Variants in USP37 observed in about 807,000 individuals in gnomAD.
USP37 encodes the protein ubiquitin carboxyl-terminal hydrolase 37.
USP37 carries 27 observed loss-of-function variants against 124.0 expected under a neutral mutation model. The observed-to-expected ratio is 0.22, with a 90% CI of 0.16 to 0.30. USP37 has a LOEUF of 0.30. Among genes scored for constraint, USP37 ranks in the 10% least tolerant of loss-of-function variants. The pLI is 1.00. For synonymous variants in USP37, 365 were observed against 388.0 expected, an observed-to-expected ratio of 0.94 and a Z score of 0.70; for missense variants, 889 against 1,140.4, an observed-to-expected ratio of 0.78 and a Z score of 3.17.
rs1285414095 is a variant in USP37 at position 218,546,238 on chromosome 2, C to T, written c.663G>A (p.Lys221=). The change falls in exon 8 of 26, where the codon AAG becomes AAA. Residue 221 remains lysine, a synonymous_variant. Transcript: ENST00000258399. ...TGSELNEDYP[K]ENDSSSNNKA... is the part of the protein sequence containing the mutation. ...TAACTTACGATGATGAATCATTTTC[C>T]TTAGGGTAATCTTCATTCAATTCTG... 6.2e-7 allele frequency: 1 copy of T among 1,612,856 alleles called. No individual in the cohort carries two copies. The highest frequency in any genetic ancestry group is 1.1e-5 in the South Asian group (1 of 91,020).
intron 11 of USP37, 50 bp downstream of exon 11, chr2:218,509,929 C>G (rs780388024): frequency 1.4e-6 from 2 of 1,472,706 alleles, no homozygotes; most frequent in African/African-American, 1.4e-5. Flanking sequence ...AAGCACACTT[C>G]TATTGAATCA....
chr2:218,457,179 G>T lies in USP37; in HGVS notation c.2644-18C>A. On this transcript the variant is annotated intron_variant, in intron 23 of 25. Transcript: ENST00000258399. ...TTTCCTGTCTGGAAAACAGAAGTGG[G>T]TATAACTTTTAAGTCTTCATTTGAA... 1 of 1,610,274 alleles carries T rather than the reference G, an allele frequency of 6.2e-7. No individual in the cohort carries two copies. Among genetic ancestry groups the T allele is most frequent in the Non-Finnish European group, 8.5e-7 (1 of 1,178,172 alleles).
chr2:218,558,983 G>C (rs976529274), intron 3 of USP37, among the ~76,000 whole-genome samples: 1 of 145,158 alleles, frequency 6.9e-6, no homozygotes, highest in Non-Finnish European at 1.5e-5. Flanking sequence ...TAATGGGTCT[G>C]GATTTCCAAA....
chr2:218,556,500 TCTG>T (rs1692981343), intron 4 of USP37, among the ~76,000 whole-genome samples: 1 of 138,016 alleles, frequency 7.2e-6, no homozygotes, highest in African/African-American at 2.9e-5. Context: ...TCTGGGTTTT[TCTG>T]TTTTTTTTTT....
intron 8 of USP37, among the ~76,000 whole-genome samples, chr2:218,545,315 A>G (rs961178375): frequency 2.0e-5 from 3 of 152,210 alleles, no homozygotes; most frequent in Admixed American, 6.5e-5. Context: ...CTAAGGAAAC[A>G]GCATGCCCTC....
At chr2:218,567,724 C>T (rs1251117248) in intron 1 of USP37, among the ~76,000 whole-genome samples, 1 of 152,136 alleles carries the variant, frequency 6.6e-6, no homozygotes. Flanking sequence ...CCTGATCTGG[C>T]GGCTAGAAAT....
intron 8 of USP37, among the ~76,000 whole-genome samples, chr2:218,536,452 T>C (rs1034261257): frequency 2.6e-5 from 4 of 152,206 alleles, no homozygotes; most frequent in African/African-American, 9.6e-5. Context: ...CTAGAGATAC[T>C]TTGCCTGTAA....
chr2:218,540,751 A>C (rs954899716), intron 8 of USP37, among the ~76,000 whole-genome samples: 1 of 152,218 alleles, frequency 6.6e-6, no homozygotes, highest in African/African-American at 2.4e-5. Flanking sequence ...ATCATGCATA[A>C]GGGGGGACTA....
intron 10 of USP37, among the ~76,000 whole-genome samples, chr2:218,522,105 A>T (rs1345922745): frequency 1.4e-5 from 2 of 145,340 alleles, no homozygotes; most frequent in East Asian, 4.1e-4. Flanking sequence ...CAAACTCCTG[A>T]GCTCAAGCCA....
chr2:218,550,113 A>G (rs1178205762), intron 5 of USP37, among the ~76,000 whole-genome samples: 1 of 152,166 alleles, frequency 6.6e-6, no homozygotes, highest in East Asian at 1.9e-4. Flanking sequence ...TAGAATCTGA[A>G]GCAAAAAATT....
intron 11 of USP37, among the ~76,000 whole-genome samples, chr2:218,498,702 C>T (rs1047711965): frequency 1.3e-5 from 2 of 151,978 alleles, no homozygotes; most frequent in Non-Finnish European, 2.9e-5. Flanking sequence ...ACTCCAGCCT[C>T]AGCAACAGAG....
rs1275610305 is a variant in USP37 at position 218,546,976 on chromosome 2, G to A, written c.545C>T (p.Thr182Met). The A allele has an allele frequency of 5.6e-6, 9 of 1,613,168 alleles. No individual in the cohort carries two copies. Among genetic ancestry groups the A allele is most frequent in the South Asian group, 1.1e-5 (1 of 90,812 alleles). ...KTVAGSGIAR[T>M]IPSLTSTSTP... is the part of the protein sequence containing the mutation. Reference sequence around the variant, plus strand: ...TGAAGTAGATGTCAAAGAAGGAATCGTCCGAGCTATTCCACTTCCTGCTAC... The same window carrying A: ...TGAAGTAGATGTCAAAGAAGGAATCATCCGAGCTATTCCACTTCCTGCTAC... Residue 182 changes from threonine to methionine, a missense_variant, in exon 7 of 26, where the codon ACG becomes ATG. Thr to Met is a moderately conservative substitution (Grantham distance 81). Coordinates refer to ENST00000258399, the MANE Select transcript of USP37 (RefSeq NM_020935.3).
chr2:218,527,034 C>T (rs1691017423), intron 10 of USP37, among the ~76,000 whole-genome samples: 1 of 152,058 alleles, frequency 6.6e-6, no homozygotes, highest in African/African-American at 2.4e-5. Context: ...GTGATCCACC[C>T]GCCTCGGCCT....
At chr2:218,563,766 C>A (rs1399308395) in intron 1 of USP37, among the ~76,000 whole-genome samples, 1 of 152,072 alleles carries the variant, frequency 6.6e-6, no homozygotes, top group African/African-American at 2.4e-5. Flanking sequence ...TTAAGAAGCT[C>A]CTAGAGGCCA....
intron 10 of USP37, among the ~76,000 whole-genome samples, chr2:218,517,960 C>A (rs1340864788): frequency 1.3e-5 from 2 of 151,970 alleles, no homozygotes; most frequent in Non-Finnish European, 2.9e-5. Flanking sequence ...CTATTCCCCC[C>A]ACCCCTTTTT....
chr2:218,561,619 C>T (rs1049356361), intron 2 of USP37, among the ~76,000 whole-genome samples: 2 of 150,044 alleles, frequency 1.3e-5, no homozygotes, highest in Non-Finnish European at 3.0e-5. Context: ...GATCATACCA[C>T]TGCACTCCAG....
intron 15 of USP37, 96 bp downstream of exon 15, chr2:218,488,208 G>C (rs879235944): frequency 7.2e-5 from 34 of 470,978 alleles, no homozygotes; most frequent in African/African-American, 6.9e-4. Context: ...GAAAAGAAAA[G>C]AAACTTTGCC....
chr2:218,491,267 C>T (rs1382078280), intron 14 of USP37, among the ~76,000 whole-genome samples: 7 of 152,162 alleles, frequency 4.6e-5, no homozygotes, highest in Non-Finnish European at 1.0e-4. Flanking sequence ...AAAAAGCAAA[C>T]AGCACTGTTG....
At chr2:218,557,401 G>A (rs1019194361) in intron 4 of USP37, among the ~76,000 whole-genome samples, 4 of 151,848 alleles carry the variant, frequency 2.6e-5, no homozygotes, top group African/African-American at 7.2e-5. Context: ...TTGATGAGGC[G>A]AACAATTAGC....
Sources: allele counts gnomAD v4.1 joint callset (sites outside exome capture counted in the v4.1 genomes callset), GRCh38; gene constraint gnomAD v4.1.1; transcripts MANE v1.5; gene names NCBI Gene and HGNC (gene_info 2026-07-23, HGNC 2026-07-21).